PELI2: variants seen among roughly 807,000 people sequenced by gnomAD.
The protein encoded by PELI2 is pellino E3 ubiquitin protein ligase family member 2.
PELI2 carries 23 observed loss-of-function variants against 42.3 expected under a neutral mutation model. The observed-to-expected ratio is 0.54, with a 90% CI of 0.39 to 0.77. The LOEUF is 0.77. Ranked by LOEUF, PELI2 falls within the 30% of genes least tolerant of loss-of-function variation. The probability of loss-of-function intolerance (pLI) is 0.00; values close to 1 mark genes in which losing one functional copy is unlikely to be tolerated. For synonymous variants in PELI2, 245 were observed against 212.2 expected (o/e 1.15, Z -1.34); for missense variants, 463 against 553.2 (o/e 0.84, Z 1.64).
chr14:56,195,338 A>G (rs535193732), intron 2 of PELI2, among the ~76,000 whole-genome samples: 2 of 152,246 alleles, frequency 1.3e-5, no homozygotes, highest in African/African-American at 2.4e-5. Context: ...CTCATTTTCT[A>G]GTAGGGACGT....
chr14:56,121,553 C>T (rs1883059812), intron 1 of PELI2, among the ~76,000 whole-genome samples: 1 of 152,174 alleles, frequency 6.6e-6, no homozygotes. Flanking sequence ...AGAAAAATGA[C>T]TGGTCTAACC....
At chr14:56,252,165 T>C (rs544306889) in intron 2 of PELI2, among the ~76,000 whole-genome samples, 1 of 152,322 alleles carries the variant, frequency 6.6e-6, no homozygotes, top group South Asian at 2.1e-4. Flanking sequence ...GTCAAGTAAA[T>C]ATAGTTGTCA....
intron 1 of PELI2, among the ~76,000 whole-genome samples, chr14:56,163,862 A>G (rs1189538339): frequency 6.6e-6 from 1 of 151,984 alleles, no homozygotes; most frequent in African/African-American, 2.4e-5. Flanking sequence ...CATGTTGTTC[A>G]GTATTGGCAC....
chr14:56,140,946 T>C (rs1234370528), intron 1 of PELI2, among the ~76,000 whole-genome samples: 2 of 152,202 alleles, frequency 1.3e-5, no homozygotes, highest in African/African-American at 2.4e-5. Flanking sequence ...ACATAGCAGC[T>C]GAACATTGAT....
At chr14:56,294,044 T>C (rs1286740824) in intron 5 of PELI2, among the ~76,000 whole-genome samples, 2 of 152,110 alleles carry the variant, frequency 1.3e-5, no homozygotes, top group Non-Finnish European at 2.9e-5. Context: ...ATGCTCGGTA[T>C]GGTGGTGGGG....
At chr14:56,286,291 A>G (rs1042591033) in intron 3 of PELI2, among the ~76,000 whole-genome samples, 9 of 152,192 alleles carry the variant, frequency 5.9e-5, no homozygotes, top group Admixed American at 3.3e-4. Context: ...GGGAGCAACA[A>G]TATTTCATCC....
chr14:56,193,849 G>T (rs771993630), intron 2 of PELI2, among the ~76,000 whole-genome samples: 1 of 152,150 alleles, frequency 6.6e-6, no homozygotes, highest in Non-Finnish European at 1.5e-5. Flanking sequence ...TATATAATTT[G>T]CCCCAGTTAT....
Position 56,143,273 on chromosome 14 carries a change from A to G in PELI2, c.77+24536A>G, listed in dbSNP as rs150749501. Among the ~76,000 whole-genome samples, 7 of 152,360 alleles carry G rather than the reference A, an allele frequency of 4.6e-5. No homozygotes were observed. The East Asian group carries it at 1.3e-3, about 29-fold the overall frequency. Reference sequence around the variant, plus strand: ...GTTTTGTCTAGAAGTCCACAGAAGTAATGTGTTCTTAGTGTATCACAGCAG... The same window carrying G: ...GTTTTGTCTAGAAGTCCACAGAAGTGATGTGTTCTTAGTGTATCACAGCAG... On this transcript the variant is annotated intron_variant, in intron 1 of 5. Transcript: ENST00000267460.
In PELI2 at chr14:56,273,200, A is replaced by G. The variant is rs926675015; in HGVS notation, c.208-6476A>G. On this transcript the variant is annotated intron_variant, in intron 2 of 5. Transcript: ENST00000267460. This position sits in a 1 kb window ranked among gnomAD's most constrained non-coding sequence, Gnocchi z 4.3. ...CATCTTGGTGCTCCCAGGCCTCCCTATCCCCATGTGGCATTTCATTCTCCA... is the reference window on the plus strand; with the variant it reads ...CATCTTGGTGCTCCCAGGCCTCCCTGTCCCCATGTGGCATTTCATTCTCCA... 2.0e-5 allele frequency among the ~76,000 whole-genome samples: 3 copies of G among 152,136 alleles called. No homozygotes were observed. Among genetic ancestry groups the G allele is most frequent in the African/African-American group, 7.2e-5 (3 of 41,414 alleles).
intron 5 of PELI2, 53 bp downstream of exon 5, chr14:56,290,509 T>C (rs1889794977): frequency 7.5e-7 from 1 of 1,338,252 alleles, no homozygotes; most frequent in Admixed American, 2.1e-5. Context: ...CAAGCCTAAC[T>C]CGAAGGCTAT....
At chr14:56,235,351 A>G (rs1317292466) in intron 2 of PELI2, among the ~76,000 whole-genome samples, 4 of 152,230 alleles carry the variant, frequency 2.6e-5, no homozygotes, top group Admixed American at 1.3e-4. Context: ...GGGGACTTCC[A>G]GAGAAATCTT....
At chr14:56,230,168 A>G (rs895722054) in intron 2 of PELI2, among the ~76,000 whole-genome samples, 1 of 152,240 alleles carries the variant, frequency 6.6e-6, no homozygotes, top group Non-Finnish European at 1.5e-5. Context: ...CAAGTTGGGA[A>G]ACACTCTTCA....
chr14:56,128,484 T>G (rs894597365), intron 1 of PELI2, among the ~76,000 whole-genome samples: 1 of 152,214 alleles, frequency 6.6e-6, no homozygotes, highest in Non-Finnish European at 1.5e-5. Flanking sequence ...TCCTTGTGGC[T>G]CTCTTGCTTG....
At chr14:56,140,582 A>G (rs1179337335) in intron 1 of PELI2, among the ~76,000 whole-genome samples, 1 of 152,272 alleles carries the variant, frequency 6.6e-6, no homozygotes, top group African/African-American at 2.4e-5. Context: ...AGTTATATGC[A>G]GATGCCATAC....
chr14:56,154,798 C>T lies in PELI2; in HGVS notation c.78-23537C>T, dbSNP rs188059621. The stretch of plus-strand genomic sequence containing the variant: ...AAATTAGAATTATTAGCTCAAAGTA[C>T]GTGAATACTTTTATAAGGGTGTTGA... On this transcript the variant is annotated intron_variant, in intron 1 of 5. Transcript: ENST00000267460. Among the ~76,000 whole-genome samples the T allele has an allele frequency of 5.3e-5, 8 of 152,242 alleles. No homozygotes were observed. In the East Asian group the frequency reaches 5.8e-4, roughly 11 times the overall value.
chr14:56,160,847 C>A (rs1884732349), intron 1 of PELI2, among the ~76,000 whole-genome samples: 2 of 152,014 alleles, frequency 1.3e-5, no homozygotes, highest in Admixed American at 6.5e-5. Flanking sequence ...GAACTGGGGC[C>A]CATCTTAGTT....
chr14:56,245,291 T>C (rs551380475), intron 2 of PELI2, among the ~76,000 whole-genome samples: 97 of 152,302 alleles, frequency 6.4e-4, no homozygotes, highest in Admixed American at 1.0e-3. Flanking sequence ...AATGAAAATA[T>C]ATTAATTAAT....
chr14:56,281,550 G>T (rs199904032), intron 3 of PELI2, among the ~76,000 whole-genome samples: 3 of 152,060 alleles, frequency 2.0e-5, no homozygotes, highest in African/African-American at 4.8e-5. Context: ...GAGAAAGAAA[G>T]AATATTTTAT....
At chr14:56,245,503 C>G (rs932129417) in intron 2 of PELI2, among the ~76,000 whole-genome samples, 3 of 151,822 alleles carry the variant, frequency 2.0e-5, no homozygotes, top group African/African-American at 7.3e-5. Flanking sequence ...TACAATATGC[C>G]CATTAAGTGA....
Sources: allele counts gnomAD v4.1 joint callset (sites outside exome capture counted in the v4.1 genomes callset), GRCh38; gene constraint gnomAD v4.1.1; non-coding constraint Gnocchi (gnomAD v3.1); transcripts MANE v1.5; gene names NCBI Gene and HGNC (gene_info 2026-07-23, HGNC 2026-07-21).